IGF2BP3: variants seen among roughly 807,000 people sequenced by gnomAD.
IGF2BP3 encodes insulin like growth factor 2 mRNA binding protein 3.
In IGF2BP3, 9 loss-of-function variants were observed where a neutral mutation model predicts 73.8. That is an observed-to-expected ratio of 0.12 (90% CI 0.07 to 0.21). IGF2BP3 has a LOEUF of 0.21. Ranked by LOEUF, IGF2BP3 falls within the 10% of genes least tolerant of loss-of-function variation. IGF2BP3 has a pLI of 1.00. For missense variants in IGF2BP3, 542 were observed against 714.0 expected (o/e 0.76, Z 2.75); for synonymous variants, 258 against 256.7 (o/e 1.01, Z -0.05).
intron 2 of IGF2BP3, among the ~76,000 whole-genome samples, chr7:23,434,088 A>G (rs1471385588): frequency 8.0e-6 from 1 of 124,888 alleles, no homozygotes; most frequent in Non-Finnish European, 1.8e-5. Context: ...GAAAAATTAA[A>G]ATTAAAAAAA....
At chr7:23,313,738 G>A in intron 12 of IGF2BP3, 85 bp from the exon 13 acceptor site, 1 of 1,345,362 alleles carries the variant, frequency 7.4e-7, no homozygotes, top group Non-Finnish European at 1.0e-6. Context: ...CCAAATCCAA[G>A]TGGGATAGCC....
At chr7:23,373,205 A>G (rs998204124) in intron 3 of IGF2BP3, among the ~76,000 whole-genome samples, 2 of 152,218 alleles carry the variant, frequency 1.3e-5, no homozygotes, top group Non-Finnish European at 2.9e-5. Flanking sequence ...CTTAGTCAGA[A>G]GAAGGTACTA....
chr7:23,342,342 C>T (rs1267788691), intron 9 of IGF2BP3, among the ~76,000 whole-genome samples, 153 bp from the exon 10 acceptor site: 4 of 152,138 alleles, frequency 2.6e-5, no homozygotes, highest in Non-Finnish European at 5.9e-5. Flanking sequence ...TACTTGAGTA[C>T]ATCGTTTACA....
At chr7:23,380,157 C>CTTTTTTTTTTTTTTTTTTTTTTT in intron 3 of IGF2BP3, among the ~76,000 whole-genome samples, 1 of 71,770 alleles carries the variant, frequency 1.4e-5, no homozygotes, top group Non-Finnish European at 2.5e-5. Context: ...CACTATGCCT[C>CTTTTTTTTTTTTTTTTTTTTTTT]TTTTTTTTTT....
At chr7:23,452,329 G>T (rs1468773185) in intron 2 of IGF2BP3, among the ~76,000 whole-genome samples, 5 of 152,044 alleles carry the variant, frequency 3.3e-5, no homozygotes, top group Non-Finnish European at 5.9e-5. Flanking sequence ...TTCTTTTGAT[G>T]GCCATTTAGG....
At chr7:23,391,743 G>T (rs1223204974) in intron 3 of IGF2BP3, among the ~76,000 whole-genome samples, 1 of 152,200 alleles carries the variant, frequency 6.6e-6, no homozygotes, top group East Asian at 1.9e-4. Context: ...AAAAAGCACT[G>T]ATCATTGTCT....
intron 3 of IGF2BP3, among the ~76,000 whole-genome samples, chr7:23,408,328 T>A (rs983761047): frequency 3.3e-5 from 5 of 152,028 alleles, no homozygotes; most frequent in African/African-American, 1.2e-4. Flanking sequence ...TCCCAAGCAA[T>A]CTATTAAAAA....
At chr7:23,383,571 G>C (rs1029543674) in intron 3 of IGF2BP3, among the ~76,000 whole-genome samples, 1 of 152,116 alleles carries the variant, frequency 6.6e-6, no homozygotes, top group Non-Finnish European at 1.5e-5. Flanking sequence ...TAACAGTCTG[G>C]CAATTTCTCA....
At chr7:23,411,959 C>T (rs175528) in intron 3 of IGF2BP3, among the ~76,000 whole-genome samples, 2 of 144,560 alleles carry the variant, frequency 1.4e-5, no homozygotes, top group Non-Finnish European at 3.0e-5. Flanking sequence ...TTACTTATTT[C>T]TTCACTACTT....
intron 3 of IGF2BP3, among the ~76,000 whole-genome samples, chr7:23,407,954 GGGGGGC>G (rs1401988243): frequency 2.2e-3 from 54 of 24,102 alleles, no homozygotes; most frequent in African/African-American, 0.013. Flanking sequence ...GGCAGGGGGC[GGGGGGC>G]GGGGGGGGGG....
At chr7:23,416,434 T>C (rs376419639) in intron 3 of IGF2BP3, among the ~76,000 whole-genome samples, 8 of 152,308 alleles carry the variant, frequency 5.3e-5, no homozygotes, top group African/African-American at 1.9e-4. Context: ...TATCCCATAT[T>C]TAGGACATGG....
intron 5 of IGF2BP3, among the ~76,000 whole-genome samples, chr7:23,353,555 C>T (rs373064324): frequency 6.6e-6 from 1 of 152,226 alleles, no homozygotes; most frequent in Non-Finnish European, 1.5e-5. Context: ...CTGCTCACTG[C>T]AGTACTTCTA....
At chr7:23,374,178 C>T (rs1223991799) in intron 3 of IGF2BP3, among the ~76,000 whole-genome samples, 2 of 152,198 alleles carry the variant, frequency 1.3e-5, no homozygotes, top group Non-Finnish European at 2.9e-5. Flanking sequence ...CACCCATGTT[C>T]ATGGGAGCAT....
chr7:23,329,543 G>A (rs1488509261), intron 10 of IGF2BP3, among the ~76,000 whole-genome samples: 1 of 152,154 alleles, frequency 6.6e-6, no homozygotes, highest in South Asian at 2.1e-4. Context: ...ATACAAAAAG[G>A]CCCCTGCTCA....
At chr7:23,434,091 TAA>T (rs11362019) in intron 2 of IGF2BP3, among the ~76,000 whole-genome samples, 56 of 129,490 alleles carry the variant, frequency 4.3e-4, no homozygotes, top group East Asian at 9.7e-4. Flanking sequence ...AAATTAAAAT[TAA>T]AAAAAAAAAA....
intron 9 of IGF2BP3, among the ~76,000 whole-genome samples, chr7:23,342,772 A>C (rs561652562): frequency 6.6e-6 from 1 of 152,322 alleles, no homozygotes; most frequent in East Asian, 1.9e-4. Context: ...TGAGGACGTA[A>C]TGTAGACGGT....
rs73281613 is a variant in IGF2BP3 at position 23,376,697 on chromosome 7, T to A, written c.286-14956A>T. On this transcript the variant is annotated intron_variant, in intron 3 of 14. Transcript: ENST00000258729. ...TTTTGGGCAACATGGCAAGACCCCA[T>A]CTCTACAAAAAATACAAAAAATTAC... Among the ~76,000 whole-genome samples the A allele has an allele frequency of 3.2e-3, 492 of 151,932 alleles. 3 individuals are homozygous for A. Among genetic ancestry groups the A allele is most frequent in the African/African-American group, 0.011 (467 of 41,424 alleles).
intron 3 of IGF2BP3, among the ~76,000 whole-genome samples, chr7:23,390,425 A>T (rs1184684961): frequency 6.6e-6 from 1 of 152,236 alleles, no homozygotes; most frequent in Non-Finnish European, 1.5e-5. Context: ...ACAAGCGTAG[A>T]TCTGTCCCTT....
intron 10 of IGF2BP3, among the ~76,000 whole-genome samples, chr7:23,332,853 T>C (rs1458760565): frequency 6.6e-6 from 1 of 152,214 alleles, no homozygotes; most frequent in African/African-American, 2.4e-5. Context: ...ATTAAGTTAA[T>C]CTTGACCATT....
Sources: gnomAD v4.1 joint callset for allele counts (sites outside exome capture counted in the v4.1 genomes callset) on GRCh38, gnomAD v4.1.1 for gene constraint, MANE v1.5 for transcripts, NCBI Gene and HGNC (gene_info 2026-07-23, HGNC 2026-07-21) for gene names.